The following PTPRK variants were observed in gnomAD, a reference collection of about 807,000 sequenced individuals.
PTPRK encodes protein tyrosine phosphatase receptor type K, also known as receptor-type tyrosine-protein phosphatase kappa.
PTPRK carries 75 observed loss-of-function variants against 178.0 expected under a neutral mutation model. The ratio of observed to expected loss-of-function variants is 0.42; its 90% CI spans 0.35 to 0.51. PTPRK has a LOEUF of 0.51. Ranked by LOEUF, PTPRK falls within the 20% of genes least tolerant of loss-of-function variation. The pLI is 0.02. For synonymous variants in PTPRK, 637 were observed against 620.6 expected, an observed-to-expected ratio of 1.03 and a Z score of -0.39; for missense variants, 1,441 against 1,797.8, an observed-to-expected ratio of 0.80 and a Z score of 3.59.
chr6:128,330,802 T>C (rs1224646910), intron 2 of PTPRK, among the ~76,000 whole-genome samples: 1 of 151,940 alleles, frequency 6.6e-6, no homozygotes, highest in Non-Finnish European at 1.5e-5. Context: ...TTCTTACACC[T>C]CTCTTCCCTT....
intron 2 of PTPRK, among the ~76,000 whole-genome samples, chr6:128,397,051 C>T (rs970337400): frequency 1.3e-5 from 2 of 152,024 alleles, no homozygotes; most frequent in Non-Finnish European, 2.9e-5. Flanking sequence ...CTCTATAATT[C>T]CCACATAAAA....
chr6:128,372,662 A>G (rs1836455039), intron 2 of PTPRK, among the ~76,000 whole-genome samples: 1 of 152,142 alleles, frequency 6.6e-6, no homozygotes, highest in Non-Finnish European at 1.5e-5. Context: ...AATGATAATA[A>G]GGAGAGTTGA....
At chr6:128,193,638 G>A (rs1804298312) in intron 6 of PTPRK, among the ~76,000 whole-genome samples, 3 of 152,150 alleles carry the variant, frequency 2.0e-5, no homozygotes, top group African/African-American at 7.2e-5. Context: ...TAGAATTACA[G>A]TATTTAATGT....
At chr6:128,160,077 C>T (rs535362381) in intron 7 of PTPRK, among the ~76,000 whole-genome samples, 4 of 151,626 alleles carry the variant, frequency 2.6e-5, no homozygotes, top group East Asian at 1.9e-4. Flanking sequence ...GGAAAGCTCA[C>T]GTAACTTAAA....
chr6:128,366,839 G>A (rs1043879874), intron 2 of PTPRK, among the ~76,000 whole-genome samples: 3 of 152,122 alleles, frequency 2.0e-5, no homozygotes, highest in African/African-American at 7.2e-5. Flanking sequence ...TAGACTTAAT[G>A]AGCATGCAAG....
chr6:128,017,299 G>C (rs544313711), intron 13 of PTPRK, among the ~76,000 whole-genome samples: 3 of 151,946 alleles, frequency 2.0e-5, no homozygotes, highest in South Asian at 2.1e-4. Flanking sequence ...TTTGTACAAG[G>C]CTATTTGTAT....
intron 1 of PTPRK, among the ~76,000 whole-genome samples, chr6:128,410,469 AACTACTTTTTGCTGGG>A (rs765233659): frequency 5.3e-5 from 8 of 152,206 alleles, no homozygotes; most frequent in Non-Finnish European, 1.2e-4. Flanking sequence ...AAGAGACAAA[AACTACTTTTTGCTGGG>A]CAGATATTGG....
intron 14 of PTPRK, among the ~76,000 whole-genome samples, chr6:128,007,611 T>G (rs1485096827): frequency 2.0e-5 from 3 of 150,906 alleles, no homozygotes; most frequent in Non-Finnish European, 4.5e-5. Context: ...ATTTTTTCAT[T>G]ATTGCTAAAT....
At chr6:128,419,470 C>G (rs1363733067) in intron 1 of PTPRK, among the ~76,000 whole-genome samples, 2 of 152,070 alleles carry the variant, frequency 1.3e-5, no homozygotes, top group Non-Finnish European at 2.9e-5. Flanking sequence ...AAAAAATTAG[C>G]CGGGCATGGT....
At chr6:128,031,949 C>T (rs1775413025) in intron 13 of PTPRK, among the ~76,000 whole-genome samples, 1 of 152,160 alleles carries the variant, frequency 6.6e-6, no homozygotes, top group South Asian at 2.1e-4. Flanking sequence ...GGTCCTCCGG[C>T]TGTGATAAGC....
At position 128,156,285 on chromosome 6, in the gene PTPRK, A is replaced by C. The variant is rs28372449; in HGVS notation, c.1162+28147T>G. On this transcript the variant is annotated intron_variant, in intron 7 of 29. Coordinates refer to ENST00000368226, the MANE Select transcript of PTPRK (RefSeq NM_002844.4). ...TAATAATCTGGAGAATAAAAAGCAT[A>C]ATACATACTAGGTATTTGTCCATTC... Among the ~76,000 whole-genome samples the C allele has an allele frequency of 4.2e-3, 633 of 152,058 alleles. 5 individuals are homozygous for C. The highest frequency in any genetic ancestry group is 0.015 in the African/African-American group (613 of 41,524).
chr6:128,296,437 T>C (rs982045240), intron 3 of PTPRK, among the ~76,000 whole-genome samples: 2 of 151,824 alleles, frequency 1.3e-5, no homozygotes, highest in Admixed American at 6.6e-5. Context: ...TTCACCAAAG[T>C]TGAAATGAAG....
intron 1 of PTPRK, among the ~76,000 whole-genome samples, chr6:128,431,841 G>A (rs138510899): frequency 4.6e-5 from 7 of 152,282 alleles, no homozygotes; most frequent in South Asian, 2.1e-4. Context: ...AATGAATAAC[G>A]GTTTGCCTAC....
chr6:128,391,005 G>A (rs1338412481), intron 2 of PTPRK, among the ~76,000 whole-genome samples: 1 of 152,112 alleles, frequency 6.6e-6, no homozygotes, highest in Non-Finnish European at 1.5e-5. Flanking sequence ...TGGAGCCAGG[G>A]TGGTATAGAG....
At chr6:128,170,570 A>G (rs1043372702) in intron 7 of PTPRK, among the ~76,000 whole-genome samples, 3 of 152,040 alleles carry the variant, frequency 2.0e-5, no homozygotes, top group African/African-American at 4.8e-5. Context: ...TACTTGAGAA[A>G]TGACCTCTTT....
intron 3 of PTPRK, among the ~76,000 whole-genome samples, chr6:128,314,785 T>C (rs1333157155): frequency 6.6e-6 from 1 of 150,746 alleles, no homozygotes; most frequent in East Asian, 1.9e-4. Context: ...TGAGAACTAA[T>C]CCAAACCTTT....
rs1314686712 is a variant in PTPRK at position 128,009,219 on chromosome 6, T to C, written c.2244A>G (p.Thr748=). The C allele has an allele frequency of 6.2e-7, 1 of 1,609,266 alleles. No individual in the cohort carries two copies. Among genetic ancestry groups the C allele is most frequent in the Non-Finnish European group, 8.5e-7 (1 of 1,176,978 alleles). Reference sequence around the variant, plus strand: ...TTCCTGCTATTTTCACCACTCTGTCTGTCTGCTTGGCGGGATCTGGGATCA... The same window carrying C: ...TTCCTGCTATTTTCACCACTCTGTCCGTCTGCTTGGCGGGATCTGGGATCA... ...PEVIPDPAKQ[T]DRVVKIAGIS... The change falls in exon 14 of 30, where the codon ACA becomes ACG. Residue 748 remains threonine (T), a synonymous_variant. Transcript: ENST00000368226.
chr6:128,089,600 A>C, intron 8 of PTPRK, 90 bp downstream of exon 8: 4 of 1,253,580 alleles, frequency 3.2e-6, no homozygotes, highest in Middle Eastern at 2.6e-4. Flanking sequence ...AATCCAATTC[A>C]GTATTGGACA....
chr6:128,456,083 A>T (rs1848350396), intron 1 of PTPRK, among the ~76,000 whole-genome samples: 1 of 152,056 alleles, frequency 6.6e-6, no homozygotes, highest in African/African-American at 2.4e-5. Flanking sequence ...CGGGCTCCTC[A>T]AAACAGATAA....
Sources: allele counts gnomAD v4.1 joint callset (sites outside exome capture counted in the v4.1 genomes callset), GRCh38; gene constraint gnomAD v4.1.1; transcripts MANE v1.5; gene names NCBI Gene and HGNC (gene_info 2026-07-23, HGNC 2026-07-21).